KCNH8: variants seen among roughly 807,000 people sequenced by gnomAD.
KCNH8 encodes the protein voltage-gated delayed rectifier potassium channel KCNH8.
In KCNH8, 70 loss-of-function variants were observed where a neutral mutation model predicts 103.6. The observed-to-expected ratio is 0.68, with a 90% CI of 0.56 to 0.82. The LOEUF (loss-of-function observed/expected upper bound fraction) is 0.82, where lower values mean the gene tolerates loss of function less well. Ranked by LOEUF, KCNH8 falls within the 40% of genes least tolerant of loss-of-function variation. The probability of loss-of-function intolerance (pLI) is 0.00; values close to 1 mark genes in which losing one functional copy is unlikely to be tolerated. For missense variants in KCNH8, 1,217 were observed against 1,329.9 expected (o/e 0.92, Z 1.32); for synonymous variants, 498 against 489.4 (o/e 1.02, Z -0.23).
chr3:19,354,322 C>T (rs9682425), intron 5 of KCNH8, among the ~76,000 whole-genome samples: 80,956 of 151,912 alleles, frequency 0.53, 23,888 homozygotes, highest in African/African-American at 0.8. Flanking sequence ...AATTTATAGA[C>T]TCAATGCTAT....
intron 11 of KCNH8, among the ~76,000 whole-genome samples, chr3:19,489,362 C>T (rs1253789818): frequency 6.6e-6 from 1 of 152,154 alleles, no homozygotes. Flanking sequence ...CCCTTTGCTA[C>T]TAGTACTGCT....
chr3:19,260,972 A>G (rs2064426976), intron 2 of KCNH8, among the ~76,000 whole-genome samples: 1 of 124,252 alleles, frequency 8.0e-6, no homozygotes, highest in South Asian at 2.2e-4. Context: ...ATATTCATAT[A>G]TATATATATA....
intron 1 of KCNH8, among the ~76,000 whole-genome samples, chr3:19,168,128 A>G (rs1432599509): frequency 1.3e-5 from 2 of 151,360 alleles, no homozygotes. Flanking sequence ...CTCCTGTGTC[A>G]GCCTCCGAGT....
At chr3:19,197,414 C>T (rs566791801) in intron 1 of KCNH8, among the ~76,000 whole-genome samples, 43 of 152,128 alleles carry the variant, frequency 2.8e-4, no homozygotes, top group African/African-American at 1.0e-3. Flanking sequence ...ATAAAGTTTC[C>T]CCAAATCTAT....
intron 11 of KCNH8, among the ~76,000 whole-genome samples, chr3:19,481,837 TG>T (rs893973773): frequency 3.9e-5 from 6 of 152,142 alleles, no homozygotes; most frequent in Non-Finnish European, 8.8e-5. Flanking sequence ...AACTTATGGT[TG>T]GGTAAGGAAC....
intron 2 of KCNH8, among the ~76,000 whole-genome samples, chr3:19,279,028 T>A (rs1286370701): frequency 6.6e-6 from 1 of 152,150 alleles, no homozygotes; most frequent in Admixed American, 6.6e-5. Context: ...GATTTGGTGA[T>A]GTTCTTGCAA....
At chr3:19,255,909 C>T (rs1298109367) in intron 2 of KCNH8, among the ~76,000 whole-genome samples, 6 of 152,064 alleles carry the variant, frequency 3.9e-5, no homozygotes, top group Admixed American at 2.6e-4. Flanking sequence ...TAGAAGGAAC[C>T]TGGGTATGTT....
chr3:19,255,707 T>C (rs1267707391), intron 2 of KCNH8, among the ~76,000 whole-genome samples: 1 of 151,958 alleles, frequency 6.6e-6, no homozygotes, highest in East Asian at 1.9e-4. Flanking sequence ...ATAGAAACAA[T>C]AATAGCTAAG....
intron 2 of KCNH8, among the ~76,000 whole-genome samples, chr3:19,276,112 C>T (rs2064666370): frequency 6.6e-6 from 1 of 151,976 alleles, no homozygotes. Context: ...CACCCAGCCA[C>T]AATTCATAGC....
chr3:19,212,698 G>A lies in KCNH8; in HGVS notation c.77-40956G>A, dbSNP rs576909188. 2.0e-5 allele frequency among the ~76,000 whole-genome samples: 3 copies of A among 152,240 alleles called. No homozygotes were observed. The East Asian group carries it at 5.8e-4, about 29-fold the overall frequency. On this transcript the variant is annotated intron_variant, in intron 1 of 15. Transcript: ENST00000328405. ...CCACCTCAGAGTGGAAGTGGGAACA[G>A]GAGCTCTGGCAAAGATAATTCAGGA...
At chr3:19,515,836 T>C (rs1446621157) in intron 14 of KCNH8, among the ~76,000 whole-genome samples, 1 of 152,074 alleles carries the variant, frequency 6.6e-6, no homozygotes, top group Non-Finnish European at 1.5e-5. Context: ...TGAGGTTATA[T>C]ACTTGAAGTT....
rs2069232278 is a variant in KCNH8 at position 19,534,442 on chromosome 3, G to T, written c.*343G>T. 2 of 269,170 alleles carry T rather than the reference G, an allele frequency of 7.4e-6. No individual in the cohort carries two copies. Among genetic ancestry groups the T allele is most frequent in the East Asian group, 1.6e-4 (2 of 12,762 alleles). The allele number at this position is 269,170 out of a possible 1,614,324, so 16.7% of individuals were successfully genotyped here. A position where few individuals can be genotyped will look rare whatever the true frequency, so the allele number is the denominator to read the frequency against. On this transcript the variant is annotated 3_prime_UTR_variant, in exon 16 of 16. Transcript: ENST00000328405. Reference sequence around the variant, plus strand: ...TCCCATGTGGCTTTTGTGAAGTATGGCAAAGGTTTTTCATGAGTGCCTGAT... The same window carrying T: ...TCCCATGTGGCTTTTGTGAAGTATGTCAAAGGTTTTTCATGAGTGCCTGAT...
chr3:19,299,996 C>T (rs2065045260), intron 3 of KCNH8, among the ~76,000 whole-genome samples: 1 of 151,936 alleles, frequency 6.6e-6, no homozygotes, highest in Non-Finnish European at 1.5e-5. Context: ...CGCCTGTAAT[C>T]CCAGCCCTTT....
chr3:19,294,955 A>C (rs2125284780), intron 3 of KCNH8, among the ~76,000 whole-genome samples: 1 of 152,350 alleles, frequency 6.6e-6, no homozygotes, highest in East Asian at 1.9e-4. Flanking sequence ...TTATCTCATT[A>C]GCCTTATTTT....
intron 11 of KCNH8, among the ~76,000 whole-genome samples, chr3:19,503,004 G>A (rs1328152406): frequency 2.0e-5 from 3 of 151,886 alleles, no homozygotes; most frequent in African/African-American, 4.8e-5. Context: ...TACAAAATGG[G>A]AGAAAATTTT....
intron 3 of KCNH8, among the ~76,000 whole-genome samples, chr3:19,336,081 G>A (rs2065580799): frequency 6.7e-6 from 1 of 150,276 alleles, no homozygotes; most frequent in Non-Finnish European, 1.5e-5. Context: ...TATTTATTTG[G>A]TATCTTAAAG....
intron 1 of KCNH8, among the ~76,000 whole-genome samples, chr3:19,192,816 A>G (rs1392713510): frequency 6.6e-6 from 1 of 151,548 alleles, no homozygotes; most frequent in Non-Finnish European, 1.5e-5. Context: ...TGATCCCATT[A>G]TATTTATTTT....
intron 1 of KCNH8, among the ~76,000 whole-genome samples, chr3:19,197,805 A>G (rs1038117564): frequency 5.3e-5 from 8 of 151,924 alleles, no homozygotes; most frequent in African/African-American, 1.9e-4. Context: ...TATTGTTGAT[A>G]TTATTTCTAT....
intron 1 of KCNH8, among the ~76,000 whole-genome samples, chr3:19,237,724 A>G (rs1201660903): frequency 6.6e-6 from 1 of 152,222 alleles, no homozygotes; most frequent in Non-Finnish European, 1.5e-5. Flanking sequence ...ATTAGCTCTG[A>G]TTCACTAAAG....
Sources: allele counts gnomAD v4.1 joint callset (sites outside exome capture counted in the v4.1 genomes callset), GRCh38; gene constraint gnomAD v4.1.1; transcripts MANE v1.5; gene names NCBI Gene and HGNC (gene_info 2026-07-23, HGNC 2026-07-21).